FLYWCH2: variants seen among roughly 807,000 people sequenced by gnomAD.
FLYWCH2 encodes FLYWCH family member 2.
FLYWCH2 carries 2 observed loss-of-function variants against 6.0 expected under a neutral mutation model. The ratio of observed to expected loss-of-function variants is 0.33; its 90% confidence interval spans 0.14 to 1.04. The LOEUF is 1.04. Among genes scored for constraint, FLYWCH2 ranks in the 50% least tolerant of loss-of-function variants. The pLI is 0.45. For missense variants in FLYWCH2, 192 were observed against 183.4 expected (o/e 1.05, Z -0.27); for synonymous variants, 87 against 79.3 (o/e 1.10, Z -0.52).
At chr16:2,898,316 G>T (rs934207100) in intron 3 of FLYWCH2, among the ~76,000 whole-genome samples, 1 of 152,116 alleles carries the variant, frequency 6.6e-6, no homozygotes, top group African/African-American at 2.4e-5. Context: ...GAGCCGGTGG[G>T]AGTGCCTGGC....
intron 1 of FLYWCH2, among the ~76,000 whole-genome samples, chr16:2,892,344 A>C (rs998297147): frequency 1.3e-5 from 2 of 151,438 alleles, no homozygotes; most frequent in Non-Finnish European, 1.5e-5. Context: ...AAAATACAAA[A>C]AATTAGCCGG....
intron 1 of FLYWCH2, among the ~76,000 whole-genome samples, chr16:2,890,843 A>G (rs969288821): frequency 3.3e-5 from 5 of 152,138 alleles, no homozygotes; most frequent in African/African-American, 1.2e-4. Flanking sequence ...CTGGAATTAC[A>G]AACGTCAGCC....
chr16:2,886,094 G>A (rs548523613), intron 1 of FLYWCH2, among the ~76,000 whole-genome samples: 1 of 152,218 alleles, frequency 6.6e-6, no homozygotes, highest in South Asian at 2.1e-4. Context: ...GACTAATGAT[G>A]TTGAGCATCT....
intron 1 of FLYWCH2, among the ~76,000 whole-genome samples, chr16:2,885,762 T>C (rs558986488): frequency 6.6e-5 from 10 of 152,350 alleles, no homozygotes; most frequent in African/African-American, 2.4e-4. Flanking sequence ...CGAAACGTTT[T>C]GGCTTTCATG....
At chr16:2,896,270 T>TCTGCCCCAC (rs753687321) in intron 2 of FLYWCH2, 82 bp from the exon 3 acceptor site, 10 of 745,336 alleles carry the variant, frequency 1.3e-5, no homozygotes, top group Non-Finnish European at 1.9e-5. Flanking sequence ...GGCAGCCCCA[T>TCTGCCCCAC]CTGCCCCACC....
At chr16:2,888,128 C>A (rs1284618277) in intron 1 of FLYWCH2, among the ~76,000 whole-genome samples, 1 of 152,040 alleles carries the variant, frequency 6.6e-6, no homozygotes, top group Non-Finnish European at 1.5e-5. Context: ...CCTGCCTCAG[C>A]CTTCCGAGTA....
Position 2,899,234 on chromosome 16 carries a change from G to T in FLYWCH2, c.*85G>T. The T allele has an allele frequency of 9.7e-6, 7 of 721,670 alleles. No individual in the cohort carries two copies. The highest frequency in any genetic ancestry group is 2.1e-5 in the South Asian group (1 of 47,018). The allele number at this position is 721,670 out of a possible 1,614,324, so 44.7% of individuals were successfully genotyped here. A position where few individuals can be genotyped will look rare whatever the true frequency, so the allele number is the denominator to read the frequency against. On this transcript the variant is annotated 3_prime_UTR_variant, in exon 4 of 4. Coordinates refer to ENST00000396958, the MANE Select transcript of FLYWCH2 (RefSeq NM_138439.3). Reference sequence around the variant, plus strand: ...GCAGGGCTTCTGGGGCCAAATGGGTGAATCTTTGCTTTTAACATTGTGTGA... The same window carrying T: ...GCAGGGCTTCTGGGGCCAAATGGGTTAATCTTTGCTTTTAACATTGTGTGA...
intron 1 of FLYWCH2, among the ~76,000 whole-genome samples, chr16:2,887,313 CTTTTTT>C (rs71158114): frequency 2.8e-5 from 2 of 72,520 alleles, no homozygotes; most frequent in South Asian, 3.4e-4. Context: ...GCCCGGCTTT[CTTTTTT>C]TTTTTTTTTT....
At chr16:2,888,165 C>T (rs958721309) in intron 1 of FLYWCH2, among the ~76,000 whole-genome samples, 2 of 151,922 alleles carry the variant, frequency 1.3e-5, no homozygotes, top group Admixed American at 6.6e-5. Context: ...CATGCCGCCA[C>T]ACTCGGCTAA....
intron 1 of FLYWCH2, among the ~76,000 whole-genome samples, chr16:2,890,410 T>C (rs2069743501): frequency 7.0e-6 from 1 of 142,168 alleles, no homozygotes; most frequent in Admixed American, 7.1e-5. Flanking sequence ...GCACCATGCC[T>C]GACTAATTTT....
At chr16:2,884,092 G>A (rs2069670312) in intron 1 of FLYWCH2, among the ~76,000 whole-genome samples, 1 of 152,194 alleles carries the variant, frequency 6.6e-6, no homozygotes, top group African/African-American at 2.4e-5. Context: ...GCTGTGGACT[G>A]CGTGGAGCAG....
At chr16:2,883,710 TGCAGGGACG>T in intron 1 of FLYWCH2, among the ~76,000 whole-genome samples, 1 of 152,114 alleles carries the variant, frequency 6.6e-6, no homozygotes, top group African/African-American at 2.4e-5. Context: ...GGGAGGTCCC[TGCAGGGACG>T]GCAGCGAGTT....
intron 1 of FLYWCH2, among the ~76,000 whole-genome samples, chr16:2,885,185 G>C (rs1211268921): frequency 6.6e-6 from 1 of 152,060 alleles, no homozygotes; most frequent in Non-Finnish European, 1.5e-5. Flanking sequence ...AGCCAGGCGT[G>C]GTGGCAGGCG....
At chr16:2,896,310 C>T in intron 2 of FLYWCH2, 42 bp from the exon 3 acceptor site, 1 of 1,149,856 alleles carries the variant, frequency 8.7e-7, no homozygotes, top group Non-Finnish European at 1.2e-6. Flanking sequence ...TAGAGCCTCC[C>T]AAGGGCTTCC....
At chr16:2,897,056 C>G (rs886430863) in intron 3 of FLYWCH2, among the ~76,000 whole-genome samples, 1 of 152,202 alleles carries the variant, frequency 6.6e-6, no homozygotes, top group Admixed American at 6.5e-5. Context: ...GCGGCGGGGC[C>G]CACAGGCAGC....
chr16:2,899,230 G>T lies in FLYWCH2; in HGVS notation c.*81G>T. 1.2e-6 allele frequency: 1 copy of T among 840,204 alleles called. No individual in the cohort carries two copies. 52.0% of individuals were successfully genotyped at this position (840,204 alleles called of 1,614,324 possible). A position where few individuals can be genotyped will look rare whatever the true frequency, so the allele number is the denominator to read the frequency against. ...GTCCGCAGGGCTTCTGGGGCCAAAT[G>T]GGTGAATCTTTGCTTTTAACATTGT... On this transcript the variant is annotated 3_prime_UTR_variant, in exon 4 of 4. Transcript: ENST00000396958.
At position 2,896,788 on chromosome 16, in the gene FLYWCH2, GC is replaced by G. The variant is rs1187467010; in HGVS notation, c.322+23del. On this transcript the variant is annotated intron_variant, in intron 3 of 3. Transcript: ENST00000396958. The stretch of plus-strand genomic sequence containing the variant: ...AGGACCCAGGTGAGGCTCCACAGCG[GC>G]CCCCCAGGACAGCTCGGCACCTCCC... 2.5e-6 allele frequency: 4 copies of G among 1,603,024 alleles called. No individual in the cohort carries two copies. The highest frequency in any genetic ancestry group is 2.2e-5 in the East Asian group (1 of 44,774).
At chr16:2,890,825 C>T (rs373301531) in intron 1 of FLYWCH2, among the ~76,000 whole-genome samples, 1 of 152,146 alleles carries the variant, frequency 6.6e-6, no homozygotes, top group Non-Finnish European at 1.5e-5. Flanking sequence ...CCTCAACCCC[C>T]CAGAGTTCTG....
chr16:2,898,925 G>A (rs2069851956), intron 3 of FLYWCH2, 124 bp from the exon 4 acceptor site: 3 of 654,816 alleles, frequency 4.6e-6, no homozygotes, highest in Non-Finnish European at 7.5e-6. Flanking sequence ...CAGTCAGGCA[G>A]AGGCTTCTGG....
Sources: allele counts gnomAD v4.1 joint callset (sites outside exome capture counted in the v4.1 genomes callset), GRCh38; gene constraint gnomAD v4.1.1; transcripts MANE v1.5; gene names NCBI Gene and HGNC (gene_info 2026-07-23, HGNC 2026-07-21).